ANKRD33B: variants seen among roughly 807,000 people sequenced by gnomAD.
ANKRD33B encodes ankyrin repeat domain-containing protein 33B.
In ANKRD33B, 6 loss-of-function variants were observed where a neutral mutation model predicts 21.5. The observed-to-expected ratio is 0.28, with a 90% CI of 0.15 to 0.55. ANKRD33B has a LOEUF of 0.55. ANKRD33B is among the 20% of genes least tolerant of loss of function. ANKRD33B has a pLI of 0.94. For missense variants in ANKRD33B, 698 were observed against 747.2 expected, an observed-to-expected ratio of 0.93 and a Z score of 0.77; for synonymous variants, 347 against 342.4, an observed-to-expected ratio of 1.01 and a Z score of -0.15.
At chr5:10,570,637 G>T (rs137885688) in intron 1 of ANKRD33B, among the ~76,000 whole-genome samples, 151 of 152,164 alleles carry the variant, frequency 9.9e-4, no homozygotes, top group African/African-American at 3.4e-3. Flanking sequence ...AGCTCACTGA[G>T]CCTTGACCTC....
At chr5:10,628,944 G>A (rs1736642615) in intron 2 of ANKRD33B, among the ~76,000 whole-genome samples, 1 of 152,140 alleles carries the variant, frequency 6.6e-6, no homozygotes, top group Non-Finnish European at 1.5e-5. Flanking sequence ...TTGTGCAGAG[G>A]CCACTAGATT....
intron 3 of ANKRD33B, among the ~76,000 whole-genome samples, chr5:10,643,977 T>G (rs942278761): frequency 5.3e-5 from 8 of 151,192 alleles, no homozygotes; most frequent in Admixed American, 1.3e-4. Context: ...TGGGTTTTAT[T>G]TTCCTTTGAC....
rs1735459495 is a variant in ANKRD33B at position 10,582,282 on chromosome 5, C to G, written c.366+17449C>G. 2.0e-5 allele frequency among the ~76,000 whole-genome samples: 3 copies of G among 152,288 alleles called. No homozygotes were observed. In the South Asian group the frequency reaches 6.2e-4, roughly 32 times the overall value. On this transcript the variant is annotated intron_variant, in intron 1 of 3. Transcript: ENST00000296657. ...CCTGCATTTTCATTTTGTACTGGGG[C>G]TGCAAAGTACGGAGCTGGTCCTAGC...
chr5:10,650,208 C>A lies in ANKRD33B; in HGVS notation c.*95C>A, dbSNP rs761832126. On this transcript the variant is annotated 3_prime_UTR_variant, in exon 4 of 4. Transcript: ENST00000296657. ...GGAGGCGGCCCCGTTGCGCATCGCA[C>A]CACTTCCGCTCCATGGACCACGGGG... The A allele has an allele frequency of 1.8e-5, 23 of 1,302,830 alleles. No individual in the cohort carries two copies. The highest frequency in any genetic ancestry group is 2.3e-5 in the Non-Finnish European group (23 of 1,001,004). 80.7% of individuals were successfully genotyped at this position (1,302,830 alleles called of 1,614,324 possible).
intron 3 of ANKRD33B, among the ~76,000 whole-genome samples, chr5:10,647,272 T>C (rs1737210403): frequency 6.6e-6 from 1 of 152,058 alleles, no homozygotes; most frequent in Admixed American, 6.5e-5. Flanking sequence ...GCCCAGCTAA[T>C]TTTTTGTGTG....
chr5:10,582,910 G>C (rs747300771), intron 1 of ANKRD33B, among the ~76,000 whole-genome samples: 2 of 152,100 alleles, frequency 1.3e-5, no homozygotes, highest in Non-Finnish European at 2.9e-5. Context: ...CTCCATGAGG[G>C]AGATGCTCAA....
chr5:10,649,840 C>A lies in ANKRD33B; in HGVS notation c.1212C>A (p.Ala404=). The change falls in exon 4 of 4, where the codon GCC becomes GCA. Residue 404 remains alanine (A), a synonymous_variant. Transcript: ENST00000296657. The part of the protein sequence containing the change: ...RGPAAPAPRK[A]SLLPLQRLRR... ...CCGCAGCGCCCGCCCCGCGGAAGGCCAGCCTCCTGCCCCTGCAGCGCCTGC... is the reference window on the plus strand; with the variant it reads ...CCGCAGCGCCCGCCCCGCGGAAGGCAAGCCTCCTGCCCCTGCAGCGCCTGC... 1 of 1,402,690 alleles carries A rather than the reference C, an allele frequency of 7.1e-7. No homozygotes were observed. The highest frequency in any genetic ancestry group is 9.2e-7 in the Non-Finnish European group (1 of 1,083,922). The allele number at this position is 1,402,690 out of a possible 1,614,324, so 86.9% of individuals were successfully genotyped here. A position where few individuals can be genotyped will look rare whatever the true frequency, so the allele number is the denominator to read the frequency against.
rs1248698821 is a variant in ANKRD33B at position 10,576,218 on chromosome 5, G to C, written c.366+11385G>C. Reference sequence around the variant, plus strand: ...CTTTTTCCTGTAGCCTTGTTTCCATGAATCGATTGAATTTTGGACATGAAA... The same window carrying C: ...CTTTTTCCTGTAGCCTTGTTTCCATCAATCGATTGAATTTTGGACATGAAA... On this transcript the variant is annotated intron_variant, in intron 1 of 3. Transcript: ENST00000296657. The surrounding 1 kb of genome is among the most constrained non-coding windows in gnomAD (Gnocchi z 4.1). 2.0e-5 allele frequency among the ~76,000 whole-genome samples: 3 copies of C among 152,148 alleles called. No individual in the cohort carries two copies. In the South Asian group the frequency reaches 6.2e-4, roughly 32 times the overall value.
chr5:10,649,149 A>C, intron 3 of ANKRD33B, 117 bp from the exon 4 acceptor site: 6 of 1,424,146 alleles, frequency 4.2e-6, no homozygotes, highest in Non-Finnish European at 5.5e-6. Flanking sequence ...GTCTGTTAGG[A>C]GGCTTGGGGC....
intron 2 of ANKRD33B, among the ~76,000 whole-genome samples, chr5:10,620,727 A>G (rs78941603): frequency 0.014 from 2,098 of 152,348 alleles, 61 homozygotes; most frequent in African/African-American, 0.048. Flanking sequence ...GGCATTGGCC[A>G]TGATATGTCC....
chr5:10,593,120 A>C (rs1386989427), intron 1 of ANKRD33B, among the ~76,000 whole-genome samples: 1 of 152,138 alleles, frequency 6.6e-6, no homozygotes, highest in African/African-American at 2.4e-5. Context: ...GATCTTAATT[A>C]TGCTTATTAT....
At chr5:10,638,983 ACGCGGAGTTGCGCGGCGATGTTAGGC>A in intron 3 of ANKRD33B, among the ~76,000 whole-genome samples, 1 of 80,504 alleles carries the variant, frequency 1.2e-5, no homozygotes, top group Non-Finnish European at 2.6e-5. Flanking sequence ...TTAGCGGGTG[ACGCGGAGTTGCGCGGCGATGTTAGGC>A]GGTGACGCGG....
At chr5:10,648,850 G>GT (rs1737248603) in intron 3 of ANKRD33B, among the ~76,000 whole-genome samples, 1 of 152,192 alleles carries the variant, frequency 6.6e-6, no homozygotes, top group Non-Finnish European at 1.5e-5. Flanking sequence ...GGCAGGTTGG[G>GT]CTGGGCACGG....
Position 10,649,650 on chromosome 5 carries a change from C to A in ANKRD33B, c.1022C>A (p.Ala341Glu). The part of the protein sequence containing the change: ...SPPSVGKRRL[A>E]VQEILAARAA... ...CCGAGCGTGGGGAAGAGGCGGCTGG[C>A]GGTGCAGGAGATCCTGGCGGCGCGG... The change falls in exon 4 of 4, where the codon GCG (alanine) becomes GAG (glutamate). Residue 341 changes from alanine (A) to glutamate (E), a missense_variant. This residue lies in a region of ANKRD33B where 543 missense variants were observed against 566.5 expected (regional missense o/e 0.96). Coordinates refer to ENST00000296657, the MANE Select transcript of ANKRD33B (RefSeq NM_001164440.2). The A allele has an allele frequency of 6.5e-7, 1 of 1,530,650 alleles. No homozygotes were observed. Among genetic ancestry groups the A allele is most frequent in the Non-Finnish European group, 8.7e-7 (1 of 1,144,602 alleles). 94.8% of individuals were successfully genotyped at this position (1,530,650 alleles called of 1,614,324 possible).
rs1737321491 is a variant in ANKRD33B at position 10,650,367 on chromosome 5, A to G, written c.*254A>G. The G allele has an allele frequency of 3.1e-6, 1 of 320,548 alleles. No individual in the cohort carries two copies. Among genetic ancestry groups the G allele is most frequent in the South Asian group, 1.5e-4 (1 of 6,788 alleles). The allele number at this position is 320,548 out of a possible 1,614,324, so 19.9% of individuals were successfully genotyped here. ...GCACGTTGCCTAAAAGGCTCCCTTTAGAGAACCTCAATTAAGATTTTTTTT... is the reference window on the plus strand; with the variant it reads ...GCACGTTGCCTAAAAGGCTCCCTTTGGAGAACCTCAATTAAGATTTTTTTT... On this transcript the variant is annotated 3_prime_UTR_variant, in exon 4 of 4. Coordinates refer to ENST00000296657, the MANE Select transcript of ANKRD33B (RefSeq NM_001164440.2).
At chr5:10,590,052 C>T (rs1735647874) in intron 1 of ANKRD33B, among the ~76,000 whole-genome samples, 1 of 151,118 alleles carries the variant, frequency 6.6e-6, no homozygotes, top group South Asian at 2.1e-4. Context: ...TTTTTACATT[C>T]TTAATTTCAA....
At chr5:10,632,079 C>T (rs1252122978) in intron 2 of ANKRD33B, among the ~76,000 whole-genome samples, 1 of 151,942 alleles carries the variant, frequency 6.6e-6, no homozygotes, top group Non-Finnish European at 1.5e-5. Flanking sequence ...AGCCAGGACT[C>T]AGTTTTCAAG....
At chr5:10,605,517 C>A (rs1736028235) in intron 1 of ANKRD33B, among the ~76,000 whole-genome samples, 1 of 149,756 alleles carries the variant, frequency 6.7e-6, no homozygotes, top group Non-Finnish European at 1.5e-5. Flanking sequence ...GAGTTTCTTT[C>A]TTTCCTTTTC....
intron 3 of ANKRD33B, among the ~76,000 whole-genome samples, chr5:10,640,901 G>T (rs940335713): frequency 3.3e-5 from 5 of 152,310 alleles, no homozygotes; most frequent in Admixed American, 6.5e-5. Flanking sequence ...ATGGCAGAGG[G>T]GACACCGAGG....
Sources: allele counts gnomAD v4.1 joint callset (sites outside exome capture counted in the v4.1 genomes callset), GRCh38; gene constraint gnomAD v4.1.1; regional missense constraint gnomAD v4.1.1; non-coding constraint Gnocchi (gnomAD v3.1); transcripts MANE v1.5; gene names NCBI Gene and HGNC (gene_info 2026-07-23, HGNC 2026-07-21).